The following MCTP1 variants were observed in gnomAD, a reference collection of about 807,000 sequenced individuals.
MCTP1 encodes multiple C2 and transmembrane domain containing 1, also known as multiple C2 and transmembrane domain-containing protein 1.
A neutral mutation model predicts 120.6 loss-of-function variants in MCTP1; 69 were observed. The observed-to-expected ratio is 0.57, with a 90% CI of 0.47 to 0.70. MCTP1 has a LOEUF of 0.70. Ranked by LOEUF, MCTP1 falls within the 30% of genes least tolerant of loss-of-function variation. MCTP1 has a pLI of 0.00. For synonymous variants in MCTP1, 529 were observed against 493.1 expected (o/e 1.07, Z -0.96); for missense variants, 1,203 against 1,248.8 (o/e 0.96, Z 0.55).
At chr5:94,947,577 T>TATATATAGAGAGAG in intron 3 of MCTP1, among the ~76,000 whole-genome samples, 24 of 47,380 alleles carry the variant, frequency 5.1e-4, no homozygotes, top group South Asian at 7.0e-4. Flanking sequence ...TATATATATA[T>TATATATAGAGAGAG]AGAGAGAGAG....
chr5:94,858,214 T>C (rs776113964), intron 17 of MCTP1, among the ~76,000 whole-genome samples: 1 of 151,622 alleles, frequency 6.6e-6, no homozygotes, highest in Non-Finnish European at 1.5e-5. Flanking sequence ...GGGAAAAGCG[T>C]CATTTATACT....
At chr5:94,732,666 C>G (rs1763352910) in intron 19 of MCTP1, among the ~76,000 whole-genome samples, 1 of 152,088 alleles carries the variant, frequency 6.6e-6, no homozygotes, top group African/African-American at 2.4e-5. Context: ...GGGTGGAACT[C>G]TTATGAGTGG....
At chr5:94,775,107 T>C (rs1285628862) in intron 19 of MCTP1, among the ~76,000 whole-genome samples, 1 of 152,224 alleles carries the variant, frequency 6.6e-6, no homozygotes, top group Non-Finnish European at 1.5e-5. Flanking sequence ...TTGTTACATC[T>C]AGTTCTCTTG....
At chr5:95,173,210 C>A (rs1317891156) in intron 1 of MCTP1, among the ~76,000 whole-genome samples, 6 of 152,142 alleles carry the variant, frequency 3.9e-5, no homozygotes. Context: ...CATGAGGCTA[C>A]AAGCAATTTC....
chr5:95,217,289 A>G (rs1403304643), intron 1 of MCTP1, among the ~76,000 whole-genome samples: 1 of 152,194 alleles, frequency 6.6e-6, no homozygotes, highest in Non-Finnish European at 1.5e-5. Context: ...CAGAGCTTTC[A>G]AGAATTTTCT....
chr5:95,194,873 T>A (rs1328442119), intron 1 of MCTP1, among the ~76,000 whole-genome samples: 1 of 152,098 alleles, frequency 6.6e-6, no homozygotes, highest in East Asian at 1.9e-4. Flanking sequence ...GGGTGGTCAT[T>A]GATCAAACAA....
intron 1 of MCTP1, among the ~76,000 whole-genome samples, chr5:95,186,701 TAAA>T (rs1470629047): frequency 6.6e-6 from 1 of 152,094 alleles, no homozygotes; most frequent in Non-Finnish European, 1.5e-5. Flanking sequence ...AGAAAGTTGA[TAAA>T]GAAGAATAAA....
chr5:94,780,136 G>A (rs895620362), intron 18 of MCTP1, among the ~76,000 whole-genome samples: 1 of 149,494 alleles, frequency 6.7e-6, no homozygotes, highest in African/African-American at 2.5e-5. Context: ...TTAAATTCCT[G>A]TGTCTTTTTT....
intron 1 of MCTP1, among the ~76,000 whole-genome samples, chr5:95,229,740 CAAAA>C (rs535012504): frequency 8.3e-6 from 1 of 121,062 alleles, no homozygotes; most frequent in Non-Finnish European, 1.8e-5. Flanking sequence ...GACTCCATCT[CAAAA>C]AAAAAAAAAA....
intron 1 of MCTP1, among the ~76,000 whole-genome samples, chr5:95,186,670 C>T (rs1749242459): frequency 6.6e-6 from 1 of 152,082 alleles, no homozygotes; most frequent in African/African-American, 2.4e-5. Flanking sequence ...TATGGAAATG[C>T]ATAGCCCTAT....
chr5:95,252,392 C>T (rs1377407171), intron 1 of MCTP1, among the ~76,000 whole-genome samples: 1 of 152,124 alleles, frequency 6.6e-6, no homozygotes, highest in African/African-American at 2.4e-5. Context: ...TCTCTGTTCT[C>T]TGATCCTTGA....
In MCTP1 at chr5:95,283,839, G is replaced by C. The variant is rs780323876; in HGVS notation, c.720+17C>G. ...GGTCCCGCGCACCTTGTCTCCGGCCGCGCCACCGGCACTCACCTGGCTGCT... is the reference window on the plus strand; with the variant it reads ...GGTCCCGCGCACCTTGTCTCCGGCCCCGCCACCGGCACTCACCTGGCTGCT... On this transcript the variant is annotated intron_variant, in intron 1 of 22. Coordinates refer to ENST00000515393, the MANE Select transcript of MCTP1 (RefSeq NM_024717.7). 1 of 1,185,432 alleles carries C rather than the reference G, an allele frequency of 8.4e-7. No homozygotes were observed. Among genetic ancestry groups the C allele is most frequent in the Non-Finnish European group, 1.0e-6 (1 of 983,162 alleles). The allele number at this position is 1,185,432 out of a possible 1,614,324, so 73.4% of individuals were successfully genotyped here. A position where few individuals can be genotyped will look rare whatever the true frequency, so the allele number is the denominator to read the frequency against.
chr5:94,808,049 A>C (rs1421991426), intron 17 of MCTP1, among the ~76,000 whole-genome samples: 1 of 152,170 alleles, frequency 6.6e-6, no homozygotes, highest in Non-Finnish European at 1.5e-5. Flanking sequence ...CATTTCTTTA[A>C]AACATGCCCA....
At chr5:94,901,149 C>T (rs368799429) in intron 10 of MCTP1, among the ~76,000 whole-genome samples, 239 of 152,276 alleles carry the variant, frequency 1.6e-3, no homozygotes, top group African/African-American at 5.1e-3. Flanking sequence ...CAGTTCCACA[C>T]GGCTGGGGAG....
intron 17 of MCTP1, among the ~76,000 whole-genome samples, chr5:94,853,614 T>C (rs1011291843): frequency 2.0e-5 from 3 of 151,906 alleles, no homozygotes; most frequent in Non-Finnish European, 4.4e-5. Flanking sequence ...TTTATCATCT[T>C]ATAATGAAGG....
At chr5:95,025,869 T>G (rs1318820492) in intron 1 of MCTP1, among the ~76,000 whole-genome samples, 1 of 152,166 alleles carries the variant, frequency 6.6e-6, no homozygotes, top group South Asian at 2.1e-4. Context: ...AAGCAAGTCT[T>G]TGTGAAAACT....
intron 13 of MCTP1, among the ~76,000 whole-genome samples, chr5:94,872,009 A>G (rs910360170): frequency 2.6e-5 from 4 of 152,134 alleles, no homozygotes; most frequent in African/African-American, 9.6e-5. Context: ...TTTAGAAATT[A>G]AGCAGGGTTC....
intron 1 of MCTP1, among the ~76,000 whole-genome samples, chr5:95,090,504 A>G (rs544546894): frequency 6.6e-6 from 1 of 152,208 alleles, no homozygotes; most frequent in South Asian, 2.1e-4. Flanking sequence ...GAGGTCCCAG[A>G]CTTCACAAGG....
chr5:94,791,246 C>T (rs189923057), intron 18 of MCTP1, among the ~76,000 whole-genome samples: 2,840 of 151,124 alleles, frequency 0.019, 29 homozygotes, highest in Non-Finnish European at 0.026. Flanking sequence ...TGCAGTGAGC[C>T]GAGATCACAC....
Sources: allele counts gnomAD v4.1 joint callset (sites outside exome capture counted in the v4.1 genomes callset), GRCh38; gene constraint gnomAD v4.1.1; transcripts MANE v1.5; gene names NCBI Gene and HGNC (gene_info 2026-07-23, HGNC 2026-07-21).